EYA4: variants seen among roughly 807,000 people sequenced by gnomAD.
The protein encoded by EYA4 is protein phosphatase EYA4.
A neutral mutation model predicts 87.9 loss-of-function variants in EYA4; 31 were observed. The observed-to-expected ratio is 0.35, with a 90% CI of 0.27 to 0.48. EYA4 has a LOEUF of 0.48. EYA4 is among the 20% of genes least tolerant of loss of function. The pLI, the probability that EYA4 is intolerant of heterozygous loss-of-function variation, is 0.99. For synonymous variants in EYA4, 263 were observed against 270.6 expected (o/e 0.97, Z 0.28); for missense variants, 678 against 761.4 (o/e 0.89, Z 1.29).
At chr6:133,372,404 T>A (rs1785336285) in intron 2 of EYA4, among the ~76,000 whole-genome samples, 1 of 152,096 alleles carries the variant, frequency 6.6e-6, no homozygotes, top group African/African-American at 2.4e-5. Context: ...AATTTTATTT[T>A]AGGATTAAAA....
chr6:133,282,301 G>C (rs980436859), intron 2 of EYA4, among the ~76,000 whole-genome samples: 3 of 152,064 alleles, frequency 2.0e-5, no homozygotes, highest in African/African-American at 2.4e-5. Context: ...GTGTGAGATG[G>C]TATTTCATTG....
intron 3 of EYA4, among the ~76,000 whole-genome samples, chr6:133,405,901 C>T (rs2128525034): frequency 6.6e-6 from 1 of 151,914 alleles, no homozygotes; most frequent in Non-Finnish European, 1.5e-5. Context: ...GAGAAGAGTC[C>T]CAGGAAGAGA....
intron 13 of EYA4, among the ~76,000 whole-genome samples, chr6:133,490,398 A>C (rs1186280803): frequency 4.0e-5 from 6 of 151,864 alleles, no homozygotes; most frequent in Admixed American, 6.6e-5. Context: ...AAAAACAAAA[A>C]AAAACAAAAA....
At chr6:133,450,395 G>A (rs575134451) in intron 5 of EYA4, among the ~76,000 whole-genome samples, 1 of 152,258 alleles carries the variant, frequency 6.6e-6, no homozygotes, top group South Asian at 2.1e-4. Context: ...GGTTTTTATT[G>A]TTGGAATTGT....
At chr6:133,468,816 G>A (rs765325137) in intron 11 of EYA4, 85 bp downstream of exon 11, 1 of 1,356,310 alleles carries the variant, frequency 7.4e-7, no homozygotes, top group Non-Finnish European at 1.1e-6. Context: ...CAAAAACATG[G>A]CGGAAAGCTC....
intron 5 of EYA4, among the ~76,000 whole-genome samples, chr6:133,451,362 A>ATAAG (rs1793425185): frequency 6.6e-6 from 1 of 152,342 alleles, no homozygotes; most frequent in East Asian, 1.9e-4. Flanking sequence ...ATGTGTATAC[A>ATAAG]TAAGTTATGT....
intron 13 of EYA4, among the ~76,000 whole-genome samples, chr6:133,485,520 GC>G (rs1298543037): frequency 6.6e-6 from 1 of 152,176 alleles, no homozygotes; most frequent in African/African-American, 2.4e-5. Context: ...GAGTCCTGGG[GC>G]CCCAGATTCT....
chr6:133,331,924 C>T (rs1015414589), intron 2 of EYA4, among the ~76,000 whole-genome samples: 1 of 152,162 alleles, frequency 6.6e-6, no homozygotes, highest in African/African-American at 2.4e-5. Context: ...TTATTGTGCT[C>T]TTGTGTGGAT....
At chr6:133,490,746 T>C (rs1055493608) in intron 13 of EYA4, among the ~76,000 whole-genome samples, 1 of 152,160 alleles carries the variant, frequency 6.6e-6, no homozygotes, top group Non-Finnish European at 1.5e-5. Flanking sequence ...TAAACTTCAA[T>C]ACCATAGTCA....
chr6:133,354,488 A>AT (rs1486592023), intron 2 of EYA4, among the ~76,000 whole-genome samples: 2 of 152,202 alleles, frequency 1.3e-5, no homozygotes, highest in African/African-American at 2.4e-5. Flanking sequence ...TAAGGTTCAC[A>AT]TGTCATTTAT....
chr6:133,284,988 GTT>G (rs397801019), intron 2 of EYA4, among the ~76,000 whole-genome samples: 1 of 145,190 alleles, frequency 6.9e-6, no homozygotes. Flanking sequence ...GTGGTTTTTT[GTT>G]TTTTTTTTTG....
At chr6:133,298,443 C>CTG (rs757432666) in intron 2 of EYA4, among the ~76,000 whole-genome samples, 41 of 151,756 alleles carry the variant, frequency 2.7e-4, no homozygotes, top group Non-Finnish European at 4.6e-4. Context: ...ACAAGAAAAT[C>CTG]TGTGTGTGTG....
chr6:133,327,018 C>T (rs17062356), intron 2 of EYA4, among the ~76,000 whole-genome samples: 16,132 of 152,054 alleles, frequency 0.11, 948 homozygotes, highest in South Asian at 0.14. Flanking sequence ...ATGAGTTTTG[C>T]CAAAATACAG....
At chr6:133,325,883 C>T (rs2128368962) in intron 2 of EYA4, among the ~76,000 whole-genome samples, 2 of 152,276 alleles carry the variant, frequency 1.3e-5, no homozygotes, top group Admixed American at 1.3e-4. Context: ...ATGAAACAGG[C>T]TGTAGTTTGC....
At chr6:133,454,407 G>A (rs779816698) in intron 5 of EYA4, among the ~76,000 whole-genome samples, 8 of 152,290 alleles carry the variant, frequency 5.3e-5, no homozygotes, top group Non-Finnish European at 1.0e-4. Flanking sequence ...CAGACAAAAG[G>A]AATTCTTGAT....
At position 133,525,256 on chromosome 6, in the gene EYA4, T is replaced by C; in HGVS notation, c.1839+2T>C. On this transcript the variant is annotated splice_donor_variant, in intron 19 of 19. Transcript: ENST00000355286. LOFTEE classifies it high-confidence loss of function. ...GAAGAAGAACAGGCAGCAAAAAAGG[T>C]AACCTGTCTCAAACAATGTCGGTGT... 2 of 1,610,510 alleles carry C rather than the reference T, an allele frequency of 1.2e-6. No individual in the cohort carries two copies. Among genetic ancestry groups the C allele is most frequent in the Non-Finnish European group, 1.7e-6 (2 of 1,176,916 alleles).
intron 3 of EYA4, among the ~76,000 whole-genome samples, chr6:133,397,574 A>G (rs1252654258): frequency 6.6e-6 from 1 of 152,142 alleles, no homozygotes; most frequent in Non-Finnish European, 1.5e-5. Flanking sequence ...TTCTTGATTT[A>G]TTGTTTATCA....
intron 2 of EYA4, chr6:133,325,516 T>C (rs1191803418): frequency 6.6e-6 from 1 of 152,204 alleles, no homozygotes; most frequent in Non-Finnish European, 1.5e-5. Flanking sequence ...TCAGCATTAT[T>C]ATTGTTGATA....
chr6:133,462,534 G>T, intron 8 of EYA4, 57 bp downstream of exon 8: 1 of 1,612,594 alleles, frequency 6.2e-7, no homozygotes, highest in Non-Finnish European at 8.5e-7. Context: ...CTGCTGGCTG[G>T]TAGCTTTGTA....
Sources: gnomAD v4.1 joint callset for allele counts (sites outside exome capture counted in the v4.1 genomes callset) on GRCh38, gnomAD v4.1.1 for gene constraint, MANE v1.5 for transcripts, NCBI Gene and HGNC (gene_info 2026-07-23, HGNC 2026-07-21) for gene names.